The following MYO1E variants were observed in gnomAD, a reference collection of about 807,000 sequenced individuals.
MYO1E encodes the protein myosin IE, also known as unconventional myosin-Ie.
MYO1E carries 68 observed loss-of-function variants against 151.1 expected under a neutral mutation model. The observed-to-expected ratio is 0.45, with a 90% CI of 0.37 to 0.55. The LOEUF is 0.55. Among genes scored for constraint, MYO1E ranks in the 20% least tolerant of loss-of-function variants. MYO1E has a pLI of 0.00. For missense variants in MYO1E, 1,363 were observed against 1,389.3 expected, an observed-to-expected ratio of 0.98 and a Z score of 0.30; for synonymous variants, 601 against 501.7, an observed-to-expected ratio of 1.20 and a Z score of -2.64.
At chr15:59,152,387 A>G (rs2079486729) in intron 26 of MYO1E, among the ~76,000 whole-genome samples, 1 of 152,180 alleles carries the variant, frequency 6.6e-6, no homozygotes, top group Admixed American at 6.5e-5. Context: ...GAGACAGTGG[A>G]AAATGGAAGT....
At chr15:59,335,374 TGAG>T (rs2080722095) in intron 1 of MYO1E, among the ~76,000 whole-genome samples, 1 of 152,192 alleles carries the variant, frequency 6.6e-6, no homozygotes, top group East Asian at 1.9e-4. Flanking sequence ...TGCTACAGTA[TGAG>T]ATGTAATCTG....
intron 1 of MYO1E, among the ~76,000 whole-genome samples, chr15:59,343,631 T>G (rs1238566413): frequency 6.6e-6 from 1 of 152,186 alleles, no homozygotes; most frequent in Non-Finnish European, 1.5e-5. Context: ...TTAAGGCCAA[T>G]AATTCTTGGA....
intron 1 of MYO1E, among the ~76,000 whole-genome samples, chr15:59,276,407 G>A (rs947650493): frequency 6.6e-6 from 1 of 152,206 alleles, no homozygotes. Flanking sequence ...GCAGCACACT[G>A]TACAAAGGGA....
intron 3 of MYO1E, among the ~76,000 whole-genome samples, chr15:59,257,336 C>T (rs1566993970): frequency 6.6e-6 from 1 of 152,130 alleles, no homozygotes; most frequent in Non-Finnish European, 1.5e-5. Context: ...GGTGTGGTAG[C>T]ACATGCCTGC....
chr15:59,263,186 G>C (rs1408019157), intron 2 of MYO1E, among the ~76,000 whole-genome samples: 1 of 152,254 alleles, frequency 6.6e-6, no homozygotes, highest in East Asian at 1.9e-4. Flanking sequence ...CCTCCCACAG[G>C]AGAACATTTT....
Position 59,272,158 on chromosome 15 carries a change from G to A in MYO1E, c.147+148C>T, listed in dbSNP as rs2080292323. On this transcript the variant is annotated intron_variant, in intron 2 of 27. Coordinates refer to ENST00000288235, the MANE Select transcript of MYO1E (RefSeq NM_004998.4). ...TATAATAGAGATGGGGTCTCCCTGT[G>A]TTGCCAGGATGGTCTGGAACTCCTG... is the stretch of plus-strand genomic sequence containing the variant. The A allele has an allele frequency of 1.2e-5, 10 of 828,196 alleles. No individual in the cohort carries two copies. The East Asian group carries it at 2.3e-4, about 19-fold the overall frequency. The allele number at this position is 828,196 out of a possible 1,614,324, so 51.3% of individuals were successfully genotyped here.
chr15:59,225,351 T>A (rs1297531277), intron 7 of MYO1E, among the ~76,000 whole-genome samples: 1 of 152,214 alleles, frequency 6.6e-6, no homozygotes, highest in Non-Finnish European at 1.5e-5. Context: ...CATGGCTATT[T>A]TTCAGTGCCT....
Position 59,356,670 on chromosome 15 carries a change from C to A in MYO1E, c.3+15828G>T, listed in dbSNP as rs138760961. Among the ~76,000 whole-genome samples the A allele has an allele frequency of 1.9e-3, 293 of 152,262 alleles. 2 individuals are homozygous for A. Among genetic ancestry groups the A allele is most frequent in the African/African-American group, 6.9e-3 (285 of 41,556 alleles). On this transcript the variant is annotated intron_variant, in intron 1 of 27. Transcript: ENST00000288235. ...TCGGCTCACTGCACCCTCTGCCTCCCGGGCTCCAGCAATCCTCCCACATAA... is the reference window on the plus strand; with the variant it reads ...TCGGCTCACTGCACCCTCTGCCTCCAGGGCTCCAGCAATCCTCCCACATAA...
rs755962095 is a variant in MYO1E at position 59,236,675 on chromosome 15, A to G, written c.333-3T>C. On this transcript the variant is annotated splice_region_variant and splice_polypyrimidine_tract_variant and intron_variant, in intron 4 of 27. Coordinates refer to ENST00000288235, the MANE Select transcript of MYO1E (RefSeq NM_004998.4). ...TTTTTCCAGCACCACTTTCACCACT[A>G]AAGAAAGACAGACAAAGAATCCACC... is the stretch of plus-strand genomic sequence containing the variant. The G allele has an allele frequency of 6.2e-6, 10 of 1,609,594 alleles. No homozygotes were observed. The East Asian group carries it at 1.6e-4, about 25-fold the overall frequency.
At position 59,319,850 on chromosome 15, in the gene MYO1E, C is replaced by T. The variant is rs530535437; in HGVS notation, c.4-47401G>A. Among the ~76,000 whole-genome samples the T allele has an allele frequency of 2.6e-5, 4 of 151,866 alleles. No individual in the cohort carries two copies. The South Asian group carries it at 6.2e-4, about 24-fold the overall frequency. On this transcript the variant is annotated intron_variant, in intron 1 of 27. Transcript: ENST00000288235. ...CACAGAGGCAGAGGTTGCAGTGAGCCGAGACCATGCCATTGCACTCCAGCC... is the reference window on the plus strand; with the variant it reads ...CACAGAGGCAGAGGTTGCAGTGAGCTGAGACCATGCCATTGCACTCCAGCC...
intron 5 of MYO1E, among the ~76,000 whole-genome samples, chr15:59,232,106 G>T (rs1168672594): frequency 6.6e-6 from 1 of 152,174 alleles, no homozygotes; most frequent in Non-Finnish European, 1.5e-5. Context: ...CAAAAGTGAA[G>T]TGGTACCTGA....
intron 2 of MYO1E, chr15:59,266,923 A>G (rs1270535808): frequency 6.6e-6 from 1 of 151,648 alleles, no homozygotes; most frequent in Non-Finnish European, 1.5e-5. Flanking sequence ...GGCCTCCCAA[A>G]GTGCTAGGAT....
Position 59,372,516 on chromosome 15 carries a change from G to A in MYO1E, c.-16C>T, listed in dbSNP as rs1202981319. ...AACTCACCATGGTGACTCGCGCCGCGGTCGCGTCTTCGCCGGGTCCCGCTG... is the reference window on the plus strand; with the variant it reads ...AACTCACCATGGTGACTCGCGCCGCAGTCGCGTCTTCGCCGGGTCCCGCTG... On this transcript the variant is annotated 5_prime_UTR_variant, in exon 1 of 28. Coordinates refer to ENST00000288235, the MANE Select transcript of MYO1E (RefSeq NM_004998.4). 3 of 1,535,898 alleles carry A rather than the reference G, an allele frequency of 2.0e-6. No individual in the cohort carries two copies. The highest frequency in any genetic ancestry group is 1.2e-5 in the South Asian group (1 of 83,628).
chr15:59,196,986 C>CTTTGTTT (rs2079770516), intron 16 of MYO1E, among the ~76,000 whole-genome samples: 1 of 71,492 alleles, frequency 1.4e-5, no homozygotes. Flanking sequence ...TTAATTACGA[C>CTTTGTTT]TTTTTTTTTT....
intron 5 of MYO1E, among the ~76,000 whole-genome samples, chr15:59,236,093 G>A (rs1305831225): frequency 6.6e-6 from 1 of 151,942 alleles, no homozygotes; most frequent in East Asian, 1.9e-4. Flanking sequence ...CTTAATCCCA[G>A]CACTTTGGGA....
At chr15:59,189,107 G>C (rs566402092) in intron 17 of MYO1E, among the ~76,000 whole-genome samples, 7 of 152,242 alleles carry the variant, frequency 4.6e-5, no homozygotes, top group African/African-American at 1.7e-4. Context: ...TGTCATCCAG[G>C]CTACATTGTA....
intron 13 of MYO1E, among the ~76,000 whole-genome samples, chr15:59,209,929 G>T (rs2079868455): frequency 7.1e-6 from 1 of 141,652 alleles, no homozygotes; most frequent in Non-Finnish European, 1.5e-5. Flanking sequence ...CAACCTCCCA[G>T]GCTCAAGCGA....
At chr15:59,315,279 C>T (rs1299895144) in intron 1 of MYO1E, among the ~76,000 whole-genome samples, 1 of 152,132 alleles carries the variant, frequency 6.6e-6, no homozygotes, top group African/African-American at 2.4e-5. Context: ...CAACTCCTAC[C>T]TGTTTCTCTC....
chr15:59,248,002 C>A (rs1362116917), intron 4 of MYO1E, among the ~76,000 whole-genome samples: 2 of 151,616 alleles, frequency 1.3e-5, no homozygotes, highest in African/African-American at 4.9e-5. Flanking sequence ...ATGGCACACC[C>A]CTGTAATCCC....
Sources: gnomAD v4.1 joint callset for allele counts (sites outside exome capture counted in the v4.1 genomes callset) on GRCh38, gnomAD v4.1.1 for gene constraint, MANE v1.5 for transcripts, NCBI Gene and HGNC (gene_info 2026-07-23, HGNC 2026-07-21) for gene names.